Variants in ADPRHL1 observed in about 807,000 individuals in gnomAD.
ADPRHL1 encodes ADP-ribosylhydrolase like 1.
In ADPRHL1, 43 loss-of-function variants were observed where a neutral mutation model predicts 44.1. That is an observed-to-expected ratio of 0.98 (90% CI 0.76 to 1.26). ADPRHL1 has a LOEUF of 1.26. Ranked by LOEUF, ADPRHL1 falls within the 50% of genes most tolerant of loss-of-function variation. ADPRHL1 has a pLI of 0.00. For missense variants in ADPRHL1, 2,022 were observed against 2,496.9 expected (o/e 0.81, Z 4.05); for synonymous variants, 878 against 1,017.4 (o/e 0.86, Z 2.61).
rs2043823718 is a variant in ADPRHL1, at chr13:113,408,189, T to C, written c.1093A>G (p.Met365Val). 1 of 1,231,918 alleles carries C rather than the reference T, an allele frequency of 8.1e-7. No homozygotes were observed. Among genetic ancestry groups the C allele is most frequent in the South Asian group, 4.1e-5 (1 of 24,328 alleles). The allele number at this position is 1,231,918 out of a possible 1,614,324, so 76.3% of individuals were successfully genotyped here. A position where few individuals can be genotyped will look rare whatever the true frequency, so the allele number is the denominator to read the frequency against. The change falls in exon 8 of 8, where the codon ATG (methionine) becomes GTG (valine). Residue 365 changes from methionine (M) to valine (V), a missense_variant. Met to Val is a conservative substitution (Grantham distance 21). Coordinates refer to ENST00000612156, the MANE Select transcript of ADPRHL1 (RefSeq NM_001394807.1). ...RKSSKTCSDV[M>V]SVDAQTLKKK... ...TTCAGGGTTTGGGCGTCCACAGACATGACGTCACTGCAGGTCTTGCTGCTC... is the reference window on the plus strand; with the variant it reads ...TTCAGGGTTTGGGCGTCCACAGACACGACGTCACTGCAGGTCTTGCTGCTC...
intron 7 of ADPRHL1, among the ~76,000 whole-genome samples, chr13:113,413,868 G>A (rs1215619902): frequency 6.6e-6 from 1 of 152,234 alleles, no homozygotes; most frequent in Non-Finnish European, 1.5e-5. Flanking sequence ...AGGGTGCCCG[G>A]CTTTCCTAAT....
chr13:113,437,360 A>G (rs1204158097), intron 2 of ADPRHL1, among the ~76,000 whole-genome samples: 17 of 90,104 alleles, frequency 1.9e-4, no homozygotes, highest in South Asian at 4.3e-4. Context: ...GGTGTACCCC[A>G]GGACCCAGCA....
At chr13:113,447,953 T>A (rs1231076211) in intron 1 of ADPRHL1, among the ~76,000 whole-genome samples, 1 of 152,230 alleles carries the variant, frequency 6.6e-6, no homozygotes, top group East Asian at 1.9e-4. Context: ...CTAAAAGGAT[T>A]CATTTTATTC....
chr13:113,416,298 T>C (rs1044248600), intron 7 of ADPRHL1, among the ~76,000 whole-genome samples: 6 of 152,092 alleles, frequency 3.9e-5, no homozygotes, highest in African/African-American at 1.4e-4. Context: ...GGCCTTGACC[T>C]GAACATCTTT....
rs923296377 is a variant in ADPRHL1, at chr13:113,409,969, TTG to T, written c.1062-1751_1062-1750del. On this transcript the variant is annotated intron_variant, in intron 7 of 7. Coordinates refer to ENST00000612156, the MANE Select transcript of ADPRHL1 (RefSeq NM_001394807.1). The surrounding 1 kb of genome is among the most constrained non-coding windows in gnomAD (Gnocchi z 4.2). ...GAAATGTGTGAACATACTTCTCTTTTTGTGTTTGTCTGCATTTTTCCAAAAGA... is the reference window on the plus strand; with the variant it reads ...GAAATGTGTGAACATACTTCTCTTTTTGTTTGTCTGCATTTTTCCAAAAGA... 25 of 985,232 alleles carry T rather than the reference TTG, an allele frequency of 2.5e-5. No homozygotes were observed. In the African/African-American group the frequency reaches 4.4e-4, roughly 17 times the overall value. 61.0% of individuals were successfully genotyped at this position (985,232 alleles called of 1,614,324 possible).
chr13:113,417,072 A>G (rs1308949997), intron 7 of ADPRHL1, among the ~76,000 whole-genome samples: 1 of 152,242 alleles, frequency 6.6e-6, no homozygotes, highest in Non-Finnish European at 1.5e-5. Flanking sequence ...AAGCTGCGTC[A>G]TGACAGGTGT....
chr13:113,427,583 G>C (rs113929021), intron 4 of ADPRHL1, among the ~76,000 whole-genome samples: 9 of 151,820 alleles, frequency 5.9e-5, no homozygotes, highest in African/African-American at 2.2e-4. Flanking sequence ...GTCCAGGCTG[G>C]AGTGCAGTGG....
intron 7 of ADPRHL1, among the ~76,000 whole-genome samples, chr13:113,412,322 C>G (rs1480007700): frequency 6.6e-6 from 1 of 152,158 alleles, no homozygotes; most frequent in African/African-American, 2.4e-5. Context: ...GGACTACAGG[C>G]GCCCGCCACC....
At chr13:113,451,164 A>T (rs1394183802) in intron 1 of ADPRHL1, among the ~76,000 whole-genome samples, 1 of 152,112 alleles carries the variant, frequency 6.6e-6, no homozygotes, top group Admixed American at 6.5e-5. Flanking sequence ...CTCAGCTCCT[A>T]TCTCTGTATG....
In ADPRHL1 at chr13:113,408,077, C is replaced by T. The variant is rs539150787; in HGVS notation, c.1205G>A (p.Arg402Gln). 34 of 1,232,004 alleles carry T rather than the reference C, an allele frequency of 2.8e-5. No homozygotes were observed. In the East Asian group the frequency reaches 6.6e-4, roughly 24 times the overall value. The allele number at this position is 1,232,004 out of a possible 1,614,324, so 76.3% of individuals were successfully genotyped here. ...CCCCCCGGCCTCTGTCCCCGGGGGC[C>T]GGTCTGCGCGGCCCGTGACGTAGAG... ...LLLYVTGRAD[R>Q]PPGTEAGGSR... Residue 402 changes from arginine to glutamine, a missense_variant, in exon 8 of 8, where the codon CGG (arginine) becomes CAG (glutamine). Physicochemically the swap from Arg to Gln is conservative, Grantham distance 43 (BLOSUM62 1). This residue lies in a region of ADPRHL1 where 1,221 missense variants were observed against 1,517.8 expected (regional missense o/e 0.80). Transcript: ENST00000612156.
At chr13:113,414,636 G>C (rs572597601) in intron 7 of ADPRHL1, among the ~76,000 whole-genome samples, 1 of 151,892 alleles carries the variant, frequency 6.6e-6, no homozygotes, top group East Asian at 1.9e-4. Flanking sequence ...ACGTGCCTCT[G>C]CACATCTCCC....
At position 113,407,358 on chromosome 13, in the gene ADPRHL1, G is replaced by A. The variant is rs746145142; in HGVS notation, c.1924C>T (p.His642Tyr). 40 of 1,231,920 alleles carry A rather than the reference G, an allele frequency of 3.2e-5. No homozygotes were observed. Among genetic ancestry groups the A allele is most frequent in the Non-Finnish European group, 3.9e-5 (39 of 988,064 alleles). The allele number at this position is 1,231,920 out of a possible 1,614,324, so 76.3% of individuals were successfully genotyped here. The change falls in exon 8 of 8, where the codon CAC becomes TAC. Residue 642 changes from histidine to tyrosine, a missense_variant. Transcript: ENST00000612156. ...SWLSHCTKIS[H>Y]SEARRPPRGE... ...CTGGGTGGACGCCTTGCCTCCGAGT[G>A]GCTGATTTTGGTGCAGTGGGACAGC...
intron 7 of ADPRHL1, among the ~76,000 whole-genome samples, chr13:113,410,780 G>A (rs935315251): frequency 2.0e-5 from 3 of 152,200 alleles, no homozygotes; most frequent in Non-Finnish European, 2.9e-5. Context: ...GGCCGACCTC[G>A]GGGTTGGGGG....
rs141380879 is a variant in ADPRHL1, at chr13:113,431,536, T to A, written c.505+2206A>T. 1.5e-3 allele frequency among the ~76,000 whole-genome samples: 229 copies of A among 152,342 alleles called. 1 individual carries two copies. The highest frequency in any genetic ancestry group is 5.1e-3 in the African/African-American group (214 of 41,572). ...CAGGGTGGCTGCAGCTCTGGACTCA[T>A]GGGAGCACGCGATGCAGGCTGTAAC... On this transcript the variant is annotated intron_variant, in intron 3 of 7. Coordinates refer to ENST00000612156, the MANE Select transcript of ADPRHL1 (RefSeq NM_001394807.1).
chr13:113,417,735 C>T (rs1038323514), intron 7 of ADPRHL1, among the ~76,000 whole-genome samples: 8 of 152,250 alleles, frequency 5.3e-5, no homozygotes, highest in South Asian at 2.1e-4. Context: ...ACTGGAAATG[C>T]GTTTACACAC....
intron 7 of ADPRHL1, among the ~76,000 whole-genome samples, chr13:113,416,569 C>G (rs918030626): frequency 2.0e-5 from 3 of 152,266 alleles, no homozygotes; most frequent in East Asian, 1.9e-4. Flanking sequence ...CCCTCAGTAC[C>G]TGTGGGACAT....
At chr13:113,451,841 C>T (rs570976888) in intron 1 of ADPRHL1, among the ~76,000 whole-genome samples, 16 of 152,240 alleles carry the variant, frequency 1.1e-4, no homozygotes, top group Non-Finnish European at 1.6e-4. Flanking sequence ...CCTAAACGTC[C>T]GTAACCCTTT....
intron 7 of ADPRHL1, among the ~76,000 whole-genome samples, chr13:113,417,523 G>A (rs150819554): frequency 5.1e-4 from 77 of 152,264 alleles, no homozygotes; most frequent in African/African-American, 1.8e-3. Context: ...CAGATCAGGC[G>A]CGGTCCCTGC....
intron 7 of ADPRHL1, chr13:113,410,237 C>G: frequency 1.5e-6 from 1 of 654,734 alleles, no homozygotes; most frequent in Non-Finnish European, 1.9e-6. Context: ...AGTGAGTTCA[C>G]GTGGAGAGAG....
Sources: gnomAD v4.1 joint callset for allele counts (sites outside exome capture counted in the v4.1 genomes callset) on GRCh38, gnomAD v4.1.1 for gene constraint, gnomAD v4.1.1 regional missense constraint, Gnocchi (gnomAD v3.1) non-coding constraint, MANE v1.5 for transcripts, NCBI Gene and HGNC (gene_info 2026-07-23, HGNC 2026-07-21) for gene names.